The following KIF21A variants were observed in gnomAD, a reference collection of about 807,000 sequenced individuals.
The protein encoded by KIF21A is kinesin family member 21A.
Under a neutral mutation model 202.9 loss-of-function variants are expected in KIF21A, and 114 were observed. The observed-to-expected ratio is 0.56, with a 90% CI of 0.48 to 0.66. The LOEUF (loss-of-function observed/expected upper bound fraction) is 0.66, where lower values mean the gene tolerates loss of function less well. Among genes scored for constraint, KIF21A ranks in the 30% least tolerant of loss-of-function variants. KIF21A has a pLI of 0.00. For synonymous variants in KIF21A, 667 were observed against 670.8 expected (o/e 0.99, Z 0.09); for missense variants, 1,677 against 1,994.9 (o/e 0.84, Z 3.04).
rs149328427 is a variant in KIF21A at position 39,367,157 on chromosome 12, T to C, written c.608A>G (p.Gln203Arg). The change falls in exon 5 of 38, where the codon CAG (glutamine) becomes CGG (arginine). Residue 203 changes from glutamine (Q) to arginine (R), a missense_variant. Physicochemically the swap from Gln to Arg is conservative, Grantham distance 43. This residue lies in a region of KIF21A where 966 missense variants were observed against 1,180.9 expected (regional missense o/e 0.82). Transcript: ENST00000361418. The part of the protein sequence containing the change: ...RTVNTESEMM[Q>R]CLKLGALSRT... ...GGATAAAGCACCCAACTTCAAACACTGCATCATCTGAAAAAGGGGAAGAAA... is the reference window on the plus strand; with the variant it reads ...GGATAAAGCACCCAACTTCAAACACCGCATCATCTGAAAAAGGGGAAGAAA... 1.8e-4 allele frequency: 290 copies of C among 1,613,712 alleles called. No homozygotes were observed. The highest frequency in any genetic ancestry group is 4.2e-5 in the Non-Finnish European group (50 of 1,179,870).
intron 35 of KIF21A, among the ~76,000 whole-genome samples, chr12:39,304,424 T>C (rs1943257227): frequency 6.6e-6 from 1 of 152,366 alleles, no homozygotes; most frequent in East Asian, 1.9e-4. Flanking sequence ...GCCACGTGAA[T>C]GTCCTTTATT....
chr12:39,299,353 G>GA (rs988530990), intron 37 of KIF21A, among the ~76,000 whole-genome samples: 92 of 152,000 alleles, frequency 6.1e-4, no homozygotes, highest in African/African-American at 2.1e-3. Context: ...ACTAGAATAT[G>GA]AAAAAAAGCT....
intron 24 of KIF21A, 79 bp from the exon 25 acceptor site, chr12:39,326,403 A>G (rs1945918926): frequency 1.1e-6 from 1 of 924,190 alleles, no homozygotes; most frequent in Non-Finnish European, 1.8e-6. Context: ...AGGCTGTAAT[A>G]AACAACAGCT....
chr12:39,425,186 A>G (rs1954645777), intron 1 of KIF21A, among the ~76,000 whole-genome samples: 1 of 152,128 alleles, frequency 6.6e-6, no homozygotes, highest in African/African-American at 2.4e-5. Context: ...GACAACTACT[A>G]TCAAGCATAT....
chr12:39,360,492 C>T (rs1015379923), intron 7 of KIF21A, among the ~76,000 whole-genome samples: 25 of 151,598 alleles, frequency 1.6e-4, no homozygotes, highest in Non-Finnish European at 1.5e-5. Flanking sequence ...TGAGTTAAAG[C>T]GATTCTCCTG....
intron 1 of KIF21A, among the ~76,000 whole-genome samples, chr12:39,402,799 G>A (rs927816471): frequency 6.6e-6 from 1 of 152,120 alleles, no homozygotes; most frequent in African/African-American, 2.4e-5. Flanking sequence ...CGTATTTTAT[G>A]TGTGGCCCAA....
Position 39,332,171 on chromosome 12 carries a change from G to C in KIF21A, c.3051+43C>G, listed in dbSNP as rs1403845801. On this transcript the variant is annotated intron_variant, in intron 21 of 37. Coordinates refer to ENST00000361418, the MANE Select transcript of KIF21A (RefSeq NM_001173464.2). ...GCTTTGAACAATAAACAATACAAAA[G>C]TACTTTTCATTAAACCATTACGCTT... 1.9e-6 allele frequency: 3 copies of C among 1,548,464 alleles called. No individual in the cohort carries two copies. The South Asian group carries it at 3.3e-5, about 17-fold the overall frequency.
At chr12:39,390,595 T>G (rs538890136) in intron 1 of KIF21A, among the ~76,000 whole-genome samples, 2 of 152,210 alleles carry the variant, frequency 1.3e-5, no homozygotes, top group Non-Finnish European at 2.9e-5. Context: ...CAAACTATAT[T>G]AAAAAGAGTA....
intron 1 of KIF21A, among the ~76,000 whole-genome samples, chr12:39,415,912 TG>T (rs1953540056): frequency 1.3e-5 from 2 of 152,212 alleles, no homozygotes; most frequent in African/African-American, 4.8e-5. Context: ...TCACATCCTT[TG>T]ACCACTTCTT....
At chr12:39,413,672 C>A (rs1953298500) in intron 1 of KIF21A, among the ~76,000 whole-genome samples, 1 of 152,078 alleles carries the variant, frequency 6.6e-6, no homozygotes, top group Non-Finnish European at 1.5e-5. Flanking sequence ...ATGCCTGTAA[C>A]CCAGCTGAGG....
At chr12:39,331,297 C>A (rs147914421) in intron 22 of KIF21A, among the ~76,000 whole-genome samples, 18 of 151,858 alleles carry the variant, frequency 1.2e-4, no homozygotes, top group African/African-American at 4.3e-4. Context: ...AGAGCATTTA[C>A]ATTCAAAATA....
intron 21 of KIF21A, 60 bp from the exon 22 acceptor site, chr12:39,331,851 G>T: frequency 1.6e-6 from 2 of 1,243,410 alleles, no homozygotes; most frequent in South Asian, 1.2e-5. Context: ...GAAGGCAACA[G>T]CCTATTGTTT....
chr12:39,324,287 T>C (rs921709665), intron 26 of KIF21A, among the ~76,000 whole-genome samples: 2 of 152,192 alleles, frequency 1.3e-5, no homozygotes, highest in African/African-American at 4.8e-5. Flanking sequence ...TTGGGAATTC[T>C]TAAGCCAGGT....
Position 39,315,247 on chromosome 12 carries a change from A to G in KIF21A, c.3948-7T>C. On this transcript the variant is annotated splice_region_variant and splice_polypyrimidine_tract_variant and intron_variant, in intron 30 of 37. Transcript: ENST00000361418. ...TGCCTACCTTCTGGAGGATCTGCTGATGATCAGCAAAAATGGCCATAAAAC... is the reference window on the plus strand; with the variant it reads ...TGCCTACCTTCTGGAGGATCTGCTGGTGATCAGCAAAAATGGCCATAAAAC... 1.2e-6 allele frequency: 2 copies of G among 1,611,902 alleles called. No homozygotes were observed. The highest frequency in any genetic ancestry group is 1.7e-6 in the Non-Finnish European group (2 of 1,178,432).
chr12:39,411,745 C>T (rs1459877347), intron 1 of KIF21A, among the ~76,000 whole-genome samples: 1 of 152,112 alleles, frequency 6.6e-6, no homozygotes, highest in Non-Finnish European at 1.5e-5. Flanking sequence ...CTATGTTGCT[C>T]AGGCTGATCT....
chr12:39,330,950 C>T, intron 22 of KIF21A, 39 bp from the exon 23 acceptor site: 13 of 1,595,758 alleles, frequency 8.1e-6, no homozygotes, highest in Non-Finnish European at 1.1e-5. Context: ...TCATACGAAA[C>T]AGGATCTACC....
intron 1 of KIF21A, among the ~76,000 whole-genome samples, chr12:39,370,494 A>G (rs1949881731): frequency 6.6e-6 from 1 of 152,138 alleles, no homozygotes; most frequent in Non-Finnish European, 1.5e-5. Context: ...ATCATGAACA[A>G]AGTAAAATCC....
At position 39,356,648 on chromosome 12, in the gene KIF21A, A is replaced by C. The variant is rs1948795652; in HGVS notation, c.1469+184T>G. Reference sequence around the variant, plus strand: ...ATAATATGGGAAGAGAAAGGAGGAAAACAGCTTGGAATATGACATCAAGGG... The same window carrying C: ...ATAATATGGGAAGAGAAAGGAGGAACACAGCTTGGAATATGACATCAAGGG... On this transcript the variant is annotated intron_variant, in intron 10 of 37. Transcript: ENST00000361418. 11 of 465,140 alleles carry C rather than the reference A, an allele frequency of 2.4e-5. No homozygotes were observed. In the South Asian group the frequency reaches 3.2e-4, roughly 14 times the overall value. The allele number at this position is 465,140 out of a possible 1,614,324, so 28.8% of individuals were successfully genotyped here. A position where few individuals can be genotyped will look rare whatever the true frequency, so the allele number is the denominator to read the frequency against.
At chr12:39,321,642 G>T (rs1339774490) in intron 27 of KIF21A, 1 of 152,202 alleles carries the variant, frequency 6.6e-6, no homozygotes, top group African/African-American at 2.4e-5. Flanking sequence ...AAAGGTAGCA[G>T]ATGGGATACT....
Sources: allele counts gnomAD v4.1 joint callset (sites outside exome capture counted in the v4.1 genomes callset), GRCh38; gene constraint gnomAD v4.1.1; regional missense constraint gnomAD v4.1.1; transcripts MANE v1.5; gene names NCBI Gene and HGNC (gene_info 2026-07-23, HGNC 2026-07-21).